NTRK3: variants seen among roughly 807,000 people sequenced by gnomAD.
NTRK3 encodes NT-3 growth factor receptor.
A neutral mutation model predicts 91.7 loss-of-function variants in NTRK3; 24 were observed. The ratio of observed to expected loss-of-function variants is 0.26; its 90% CI spans 0.19 to 0.37. The LOEUF (loss-of-function observed/expected upper bound fraction) is 0.37, where lower values mean the gene tolerates loss of function less well. NTRK3 is among the 10% of genes least tolerant of loss of function. NTRK3 has a pLI of 1.00. For synonymous variants in NTRK3, 483 were observed against 404.0 expected (o/e 1.20, Z -2.34); for missense variants, 880 against 1,068.9 (o/e 0.82, Z 2.46).
intron 13 of NTRK3, among the ~76,000 whole-genome samples, chr15:88,087,579 T>C (rs1240409042): frequency 1.3e-5 from 2 of 152,146 alleles, no homozygotes; most frequent in Non-Finnish European, 1.5e-5. Flanking sequence ...GACCTTCCTC[T>C]TGGGATCAAT....
chr15:88,199,591 C>G (rs1206788522), intron 3 of NTRK3, among the ~76,000 whole-genome samples: 2 of 152,204 alleles, frequency 1.3e-5, no homozygotes, highest in Admixed American at 6.5e-5. Context: ...TGGGGCAGGA[C>G]AGGGGAATGC....
chr15:87,864,891 A>G (rs1567046264), exon 19 of NTRK3: 1 of 225,048 alleles, frequency 4.4e-6, no homozygotes, highest in Non-Finnish European at 8.9e-6. Context: ...ACCTTCTCCA[A>G]TTTCACATCA....
intron 13 of NTRK3, among the ~76,000 whole-genome samples, chr15:88,106,403 T>C (rs2050712827): frequency 6.6e-6 from 1 of 152,194 alleles, no homozygotes; most frequent in Non-Finnish European, 1.5e-5. Flanking sequence ...CATGCAGCCT[T>C]GGGGCAAATG....
exon 8 of NTRK3, chr15:88,136,589 T>C: frequency 6.2e-7 from 1 of 1,613,202 alleles, no homozygotes; most frequent in Non-Finnish European, 8.5e-7. Flanking sequence ...TTGACGTGGC[T>C]CACGCTGATC....
intron 17 of NTRK3, chr15:87,925,441 G>GCACACACACACA (rs61582719): frequency 0.039 from 7,034 of 180,694 alleles, 152 homozygotes; most frequent in South Asian, 0.057. Flanking sequence ...ACACGTGTAT[G>GCACACACACACA]CACACACACA....
At chr15:88,067,721 T>A (rs1342164330) in intron 13 of NTRK3, among the ~76,000 whole-genome samples, 1 of 152,210 alleles carries the variant, frequency 6.6e-6, no homozygotes, top group African/African-American at 2.4e-5. Context: ...AGAATCTAAA[T>A]GCACATTCTG....
At chr15:87,893,750 G>T (rs1437557325) in intron 17 of NTRK3, among the ~76,000 whole-genome samples, 1 of 152,252 alleles carries the variant, frequency 6.6e-6, no homozygotes. Context: ...ACACAACTCC[G>T]ATGAGGCATA....
chr15:87,874,459 G>C (rs1426719091), exon 19 of NTRK3: 1 of 231,594 alleles, frequency 4.3e-6, no homozygotes, highest in Non-Finnish European at 8.5e-6. Flanking sequence ...AGGCCATGAT[G>C]AATCAGTGCC....
chr15:87,981,441 T>C, intron 14 of NTRK3: 4 of 1,600,650 alleles, frequency 2.5e-6, no homozygotes, highest in Non-Finnish European at 3.4e-6. Flanking sequence ...GTATTTTTCT[T>C]AAGTGCACAA....
intron 13 of NTRK3, among the ~76,000 whole-genome samples, chr15:88,089,135 G>A (rs1196702176): frequency 6.8e-6 from 1 of 146,148 alleles, no homozygotes; most frequent in Non-Finnish European, 1.5e-5. Flanking sequence ...CCTTAGTGTG[G>A]TATGACGGGG....
chr15:88,199,713 C>A (rs2048134152), intron 3 of NTRK3, among the ~76,000 whole-genome samples: 1 of 152,202 alleles, frequency 6.6e-6, no homozygotes, highest in Admixed American at 6.5e-5. Flanking sequence ...GGTGTCTGTG[C>A]CCTTAACTCC....
chr15:88,063,653 G>A (rs1467835966), intron 13 of NTRK3, among the ~76,000 whole-genome samples: 2 of 152,182 alleles, frequency 1.3e-5, no homozygotes, highest in East Asian at 1.9e-4. Context: ...CTAGAACTGA[G>A]CACTGAACCA....
At chr15:87,927,666 A>C (rs1376253936) in intron 17 of NTRK3, 5 of 152,176 alleles carry the variant, frequency 3.3e-5, no homozygotes, top group African/African-American at 1.2e-4. Flanking sequence ...TATGGAAGAG[A>C]TGCCAGAGAG....
intron 3 of NTRK3, among the ~76,000 whole-genome samples, chr15:88,189,418 CT>C (rs10588011): frequency 0.55 from 80,967 of 146,964 alleles, 23,472 homozygotes; most frequent in African/African-American, 0.78. Context: ...ATTGCAATTC[CT>C]TTTTTTTTTT....
chr15:88,053,961 T>C (rs753225987), intron 13 of NTRK3, among the ~76,000 whole-genome samples: 10 of 152,178 alleles, frequency 6.6e-5, no homozygotes, highest in Non-Finnish European at 1.5e-4. Context: ...AGGAAGCTGA[T>C]AGAAAGGTTT....
At chr15:88,250,771 G>A (rs1201771868) in intron 3 of NTRK3, among the ~76,000 whole-genome samples, 2 of 152,192 alleles carry the variant, frequency 1.3e-5, no homozygotes. Flanking sequence ...AAGCTGTATT[G>A]ATCATGCATG....
At chr15:87,916,005 A>G (rs1292827773) in intron 17 of NTRK3, among the ~76,000 whole-genome samples, 1 of 152,114 alleles carries the variant, frequency 6.6e-6, no homozygotes, top group African/African-American at 2.4e-5. Context: ...GCTCTTTGGG[A>G]TTAGCAAAGC....
exon 19 of NTRK3, chr15:87,866,345 T>C (rs2064677052): frequency 5.5e-6 from 1 of 182,160 alleles, no homozygotes; most frequent in African/African-American, 2.4e-5. Flanking sequence ...TAAATCTCAT[T>C]GAATATATTA....
rs1350716337 is a variant in NTRK3, at chr15:88,181,835, G to A, written c.395+1583C>T. On this transcript the variant is annotated intron_variant, in intron 5 of 18. Coordinates refer to ENST00000394480, the Ensembl canonical transcript of NTRK3. ...GATGACTGGTTGCCTCTTTGGAGGG[G>A]ACACGTGACCCCACCTGGTCCACCA... Among the ~76,000 whole-genome samples, 3 of 152,212 alleles carry A rather than the reference G, an allele frequency of 2.0e-5. No homozygotes were observed. The East Asian group carries it at 5.8e-4, about 29-fold the overall frequency.
Sources: gnomAD v4.1 joint callset for allele counts (sites outside exome capture counted in the v4.1 genomes callset) on GRCh38, gnomAD v4.1.1 for gene constraint, MANE v1.5 for transcripts, NCBI Gene and HGNC (gene_info 2026-07-23, HGNC 2026-07-21) for gene names.